TEAD1: variants seen among roughly 807,000 people sequenced by gnomAD.
TEAD1 encodes the protein TEA domain transcription factor 1, also known as transcriptional enhancer factor TEF-1.
A neutral mutation model predicts 54.9 loss-of-function variants in TEAD1; 9 were observed. The observed-to-expected ratio is 0.16, with a 90% CI of 0.10 to 0.29. The LOEUF is 0.29. Among genes scored for constraint, TEAD1 ranks in the 10% least tolerant of loss-of-function variants. The pLI is 1.00. For synonymous variants in TEAD1, 200 were observed against 187.8 expected, an observed-to-expected ratio of 1.07 and a Z score of -0.53; for missense variants, 387 against 535.9, an observed-to-expected ratio of 0.72 and a Z score of 2.74.
chr11:12,768,386 T>C (rs1945250187), intron 3 of TEAD1, among the ~76,000 whole-genome samples: 1 of 152,220 alleles, frequency 6.6e-6, no homozygotes, highest in Non-Finnish European at 1.5e-5. Flanking sequence ...GAGAGGTATG[T>C]AAGTGCTTAT....
Position 12,781,951 on chromosome 11 carries a change from C to CAAAAAA in TEAD1, c.202+17532_202+17537dup, listed in dbSNP as rs71454001. 2.5e-4 allele frequency among the ~76,000 whole-genome samples: 16 copies of CAAAAAA among 65,042 alleles called. 1 individual carries two copies. The highest frequency in any genetic ancestry group is 8.1e-4 in the African/African-American group (10 of 12,304). 42.7% of individuals were successfully genotyped at this position (65,042 alleles called of 152,430 possible). On this transcript the variant is annotated intron_variant, in intron 3 of 12. Transcript: ENST00000527636. ...GCAACATGGTGAAACCTCGTCTGTA[C>CAAAAAA]AAAAAAAAAAAAAAAAAAAAGAAAG...
chr11:12,914,802 C>T (rs943631628), intron 10 of TEAD1, among the ~76,000 whole-genome samples: 15 of 152,264 alleles, frequency 9.9e-5, no homozygotes, highest in African/African-American at 3.4e-4. Context: ...AGCTGCAATG[C>T]CGCACTGCGT....
At chr11:12,758,060 C>T (rs146530312) in intron 2 of TEAD1, among the ~76,000 whole-genome samples, 9 of 152,198 alleles carry the variant, frequency 5.9e-5, no homozygotes, top group South Asian at 2.1e-4. Context: ...GCATTATAGG[C>T]GTGAACTGCC....
At chr11:12,930,645 C>T (rs1024166793) in intron 12 of TEAD1, among the ~76,000 whole-genome samples, 5 of 152,068 alleles carry the variant, frequency 3.3e-5, no homozygotes, top group Admixed American at 6.6e-5. Context: ...TTTAAACATC[C>T]GGCTGTATCC....
At chr11:12,833,676 A>T (rs1946827248) in intron 3 of TEAD1, among the ~76,000 whole-genome samples, 1 of 152,136 alleles carries the variant, frequency 6.6e-6, no homozygotes, top group South Asian at 2.1e-4. Context: ...GTTTTCATAT[A>T]TAACAATTTT....
intron 10 of TEAD1, among the ~76,000 whole-genome samples, chr11:12,902,394 A>T (rs890342989): frequency 6.6e-6 from 1 of 152,252 alleles, no homozygotes; most frequent in Non-Finnish European, 1.5e-5. Flanking sequence ...AGCTGGGATG[A>T]AAATAAAGTT....
At chr11:12,716,509 A>G (rs1401807471) in intron 2 of TEAD1, among the ~76,000 whole-genome samples, 1 of 152,136 alleles carries the variant, frequency 6.6e-6, no homozygotes, top group Non-Finnish European at 1.5e-5. Context: ...TCTCATTTTT[A>G]GCAGTGTCCT....
chr11:12,675,085 G>T (rs1943049160), intron 1 of TEAD1, among the ~76,000 whole-genome samples: 1 of 146,446 alleles, frequency 6.8e-6, no homozygotes, highest in Admixed American at 6.8e-5. Context: ...GAGCCCGCGC[G>T]GCAACAGGCG....
chr11:12,680,056 G>A (rs60059201), intron 2 of TEAD1, among the ~76,000 whole-genome samples: 7,357 of 151,114 alleles, frequency 0.049, 571 homozygotes, highest in African/African-American at 0.17. Context: ...AGAGAAATAC[G>A]CAATTGTTAT....
intron 3 of TEAD1, among the ~76,000 whole-genome samples, chr11:12,813,374 G>A (rs556780793): frequency 1.3e-5 from 2 of 152,290 alleles, no homozygotes; most frequent in African/African-American, 2.4e-5. Context: ...GGGGATCGCC[G>A]GGACAGAAAA....
intron 5 of TEAD1, 106 bp downstream of exon 5, chr11:12,865,006 C>G (rs2134071987): frequency 7.9e-7 from 1 of 1,262,948 alleles, no homozygotes. Context: ...AACCTAGTTT[C>G]CTTGCATGTG....
intron 3 of TEAD1, among the ~76,000 whole-genome samples, chr11:12,782,203 C>T (rs1423274423): frequency 2.0e-5 from 3 of 151,834 alleles, no homozygotes; most frequent in Non-Finnish European, 4.4e-5. Flanking sequence ...GGAAACAACC[C>T]AAATGTTTAT....
chr11:12,868,586 A>T (rs895392016), intron 5 of TEAD1, among the ~76,000 whole-genome samples: 2 of 152,194 alleles, frequency 1.3e-5, no homozygotes, highest in Non-Finnish European at 2.9e-5. Context: ...GCTTCTACTA[A>T]TTGGCAGTTG....
At chr11:12,833,392 A>G (rs1946821822) in intron 3 of TEAD1, among the ~76,000 whole-genome samples, 1 of 152,226 alleles carries the variant, frequency 6.6e-6, no homozygotes. Flanking sequence ...TGTGCTGAAT[A>G]TTTTAATGCA....
chr11:12,888,819 A>T (rs1948140510), intron 9 of TEAD1, among the ~76,000 whole-genome samples: 1 of 152,244 alleles, frequency 6.6e-6, no homozygotes, highest in Admixed American at 6.5e-5. Context: ...ATTCAGATCC[A>T]GGTCTGTTGA....
chr11:12,890,353 G>C (rs1948173430), intron 9 of TEAD1, among the ~76,000 whole-genome samples: 1 of 152,190 alleles, frequency 6.6e-6, no homozygotes, highest in African/African-American at 2.4e-5. Context: ...GGTTTCCTCT[G>C]AGTTCCTATT....
chr11:12,886,804 C>T (rs1055587685), intron 9 of TEAD1, among the ~76,000 whole-genome samples: 9 of 151,992 alleles, frequency 5.9e-5, no homozygotes, highest in African/African-American at 2.2e-4. Context: ...ACCTTCTTCA[C>T]AATTGAAAGT....
chr11:12,738,193 A>T (rs1411311729), intron 2 of TEAD1, among the ~76,000 whole-genome samples: 1 of 152,180 alleles, frequency 6.6e-6, no homozygotes, highest in African/African-American at 2.4e-5. Context: ...AGTAATTTAT[A>T]TGGCAGAAAT....
chr11:12,786,762 T>C (rs992936146), intron 3 of TEAD1, among the ~76,000 whole-genome samples: 1 of 152,048 alleles, frequency 6.6e-6, no homozygotes, highest in Non-Finnish European at 1.5e-5. Context: ...GTGGGGGCGA[T>C]AGACAATAAG....
Sources: gnomAD v4.1 joint callset for allele counts (sites outside exome capture counted in the v4.1 genomes callset) on GRCh38, gnomAD v4.1.1 for gene constraint, MANE v1.5 for transcripts, NCBI Gene and HGNC (gene_info 2026-07-23, HGNC 2026-07-21) for gene names.